Variants in PEAK1 observed in about 807,000 individuals in gnomAD.
PEAK1 encodes the protein inactive tyrosine-protein kinase PEAK1.
A neutral mutation model predicts 124.7 loss-of-function variants in PEAK1; 54 were observed. The observed-to-expected ratio is 0.43, with a 90% confidence interval of 0.35 to 0.54. PEAK1 has a LOEUF of 0.54. PEAK1 is among the 20% of genes least tolerant of loss of function. The pLI, the probability that PEAK1 is intolerant of heterozygous loss-of-function variation, is 0.01. For missense variants in PEAK1, 2,046 were observed against 2,134.5 expected, an observed-to-expected ratio of 0.96 and a Z score of 0.82; for synonymous variants, 719 against 760.0, an observed-to-expected ratio of 0.95 and a Z score of 0.89.
Position 77,243,187 on chromosome 15 carries a change from C to G in PEAK1, c.-115+9180G>C, listed in dbSNP as rs1215679127. 3.9e-5 allele frequency among the ~76,000 whole-genome samples: 6 copies of G among 152,242 alleles called. No homozygotes were observed. In the East Asian group the frequency reaches 9.6e-4, roughly 24 times the overall value. On this transcript the variant is annotated intron_variant, in intron 6 of 9. Coordinates refer to ENST00000682557, the MANE Select transcript of PEAK1 (RefSeq NM_001385026.1). ...TTAAAACATGGCAGCCAGTGTATTG[C>G]TAGATTCTTGCAAATATTAAGCAAA... is the stretch of plus-strand genomic sequence containing the variant.
intron 5 of PEAK1, among the ~76,000 whole-genome samples, chr15:77,273,614 C>A (rs1213311516): frequency 6.6e-6 from 1 of 152,098 alleles, no homozygotes; most frequent in Non-Finnish European, 1.5e-5. Flanking sequence ...CAAAACACTG[C>A]TGAAAGAAAT....
rs557744361 is a variant in PEAK1, at chr15:77,311,414, G to T, written c.-602-24910C>A. Among the ~76,000 whole-genome samples the T allele has an allele frequency of 4.7e-4, 71 of 152,216 alleles. No individual in the cohort carries two copies. In the Middle Eastern group the frequency reaches 0.014, roughly 29 times the overall value. On this transcript the variant is annotated intron_variant, in intron 2 of 9. Transcript: ENST00000682557. ...AGGCAGGCCGGGTGCAGTGGCTCAC[G>T]CCTGTAATCCCAACACTTTGCGAGG...
intron 1 of PEAK1, chr15:77,370,580 A>G (rs1284637358): frequency 8.0e-5 from 36 of 449,144 alleles, no homozygotes; most frequent in Non-Finnish European, 1.2e-5. Flanking sequence ...CCAAGTGATG[A>G]CACAGAGAAT....
At chr15:77,388,489 T>C (rs552842389) in intron 1 of PEAK1, among the ~76,000 whole-genome samples, 1 of 152,322 alleles carries the variant, frequency 6.6e-6, no homozygotes, top group African/African-American at 2.4e-5. Context: ...ACGACTCATA[T>C]TGGCATCTCG....
At chr15:77,357,935 A>T (rs2067625558) in intron 2 of PEAK1, among the ~76,000 whole-genome samples, 1 of 152,138 alleles carries the variant, frequency 6.6e-6, no homozygotes, top group Admixed American at 6.5e-5. Context: ...CCCGTATCTC[A>T]GTCCTGTTGC....
At chr15:77,367,102 C>G (rs540140544) in intron 1 of PEAK1, among the ~76,000 whole-genome samples, 3 of 152,164 alleles carry the variant, frequency 2.0e-5, no homozygotes, top group Non-Finnish European at 2.9e-5. Context: ...CCACTGTACT[C>G]CAGCCTGGCG....
intron 2 of PEAK1, among the ~76,000 whole-genome samples, chr15:77,296,281 C>CGACAGGGCGAGA (rs2063481236): frequency 6.6e-6 from 1 of 151,694 alleles, no homozygotes; most frequent in African/African-American, 2.4e-5. Context: ...ATTACATATG[C>CGACAGGGCGAGA]CCTGAAATTA....
In PEAK1 at chr15:77,407,958, T is replaced by C. The variant is rs558905522; in HGVS notation, c.-666+12048A>G. 9.6e-5 allele frequency among the ~76,000 whole-genome samples: 8 copies of C among 83,514 alleles called. No individual in the cohort carries two copies. In the East Asian group the frequency reaches 2.0e-3, roughly 21 times the overall value. 54.8% of individuals were successfully genotyped at this position (83,514 alleles called of 152,430 possible). A position where few individuals can be genotyped will look rare whatever the true frequency, so the allele number is the denominator to read the frequency against. The stretch of plus-strand genomic sequence containing the variant: ...ACACATATATACACATATACACACA[T>C]ATATACACATATATACACACATATA... On this transcript the variant is annotated intron_variant, in intron 1 of 9. Transcript: ENST00000682557.
chr15:77,351,665 T>C, intron 2 of PEAK1: 1 of 915,030 alleles, frequency 1.1e-6, no homozygotes, highest in Non-Finnish European at 1.3e-6. Flanking sequence ...TTCCTTGCTT[T>C]GTTTGTGCGT....
chr15:77,136,912 G>T (rs369052159), intron 8 of PEAK1, among the ~76,000 whole-genome samples: 10 of 152,328 alleles, frequency 6.6e-5, no homozygotes, highest in Non-Finnish European at 1.3e-4. Context: ...AGGCCTAGGA[G>T]AAAAAAGTAG....
At chr15:77,303,577 T>G (rs1291905742) in intron 2 of PEAK1, among the ~76,000 whole-genome samples, 1 of 152,352 alleles carries the variant, frequency 6.6e-6, no homozygotes, top group East Asian at 1.9e-4. Flanking sequence ...TCAGATCTTC[T>G]GCCCATTTTT....
At position 77,142,221 on chromosome 15, in the gene PEAK1, A is replaced by G. The variant is rs533218566; in HGVS notation, c.3332-8471T>C. On this transcript the variant is annotated intron_variant, in intron 8 of 9. Transcript: ENST00000682557. ...ATATATAAATGGCCAGTGTGTGTGG[A>G]AAGATGTTTGGCATCATCACTCATG... Among the ~76,000 whole-genome samples the G allele has an allele frequency of 2.6e-5, 4 of 152,320 alleles. No individual in the cohort carries two copies. The East Asian group carries it at 7.7e-4, about 29-fold the overall frequency.
At chr15:77,177,999 C>A (rs1248767144) in intron 7 of PEAK1, 1 of 152,140 alleles carries the variant, frequency 6.6e-6, no homozygotes, top group Non-Finnish European at 1.5e-5. Flanking sequence ...CAATTCTTAA[C>A]TTCCCGGGTT....
At chr15:77,250,175 G>T (rs570303465) in intron 6 of PEAK1, among the ~76,000 whole-genome samples, 1 of 130,874 alleles carries the variant, frequency 7.6e-6, no homozygotes, top group Non-Finnish European at 1.6e-5. Flanking sequence ...ACATATATAT[G>T]TATATGTATA....
intron 2 of PEAK1, among the ~76,000 whole-genome samples, chr15:77,357,231 T>C (rs1597421419): frequency 6.6e-6 from 1 of 152,204 alleles, no homozygotes. Context: ...GATCATGCCA[T>C]TGCTCTTCAG....
chr15:77,227,206 T>C (rs959745975), intron 6 of PEAK1, among the ~76,000 whole-genome samples: 1 of 152,188 alleles, frequency 6.6e-6, no homozygotes, highest in Non-Finnish European at 1.5e-5. Flanking sequence ...CTAGAATAAG[T>C]TTATCATTTT....
rs146566711 is a variant in PEAK1 at position 77,207,965 on chromosome 15, T to C, written c.-114-25925A>G. ...AGGCTCATACAGGTCTAGGAACAGG[T>C]TGGGCTAAAAACGGATCCATGCTAC... On this transcript the variant is annotated intron_variant, in intron 6 of 9. Coordinates refer to ENST00000682557, the MANE Select transcript of PEAK1 (RefSeq NM_001385026.1). Among the ~76,000 whole-genome samples, 731 of 152,228 alleles carry C rather than the reference T, an allele frequency of 4.8e-3. 5 individuals carry two copies. Among genetic ancestry groups the C allele is most frequent in the African/African-American group, 0.016 (677 of 41,538 alleles).
chr15:77,229,618 C>T (rs530653282), intron 6 of PEAK1, among the ~76,000 whole-genome samples: 1 of 151,814 alleles, frequency 6.6e-6, no homozygotes, highest in South Asian at 2.1e-4. Flanking sequence ...TACATGCATT[C>T]CTCTTCTTTA....
At chr15:77,122,002 A>G (rs1036612318) in intron 9 of PEAK1, among the ~76,000 whole-genome samples, 3 of 152,192 alleles carry the variant, frequency 2.0e-5, no homozygotes, top group African/African-American at 7.2e-5. Flanking sequence ...CCACTCTAAG[A>G]ATACAGGCTG....
Sources: allele counts gnomAD v4.1 joint callset (sites outside exome capture counted in the v4.1 genomes callset), GRCh38; gene constraint gnomAD v4.1.1; transcripts MANE v1.5; gene names NCBI Gene and HGNC (gene_info 2026-07-23, HGNC 2026-07-21).